HMOX2: variants seen among roughly 807,000 people sequenced by gnomAD.
HMOX2 encodes heme oxygenase (decycling) 2.
HMOX2 carries 30 observed loss-of-function variants against 33.7 expected under a neutral mutation model. The ratio of observed to expected loss-of-function variants is 0.89; its 90% CI spans 0.67 to 1.21. The LOEUF (loss-of-function observed/expected upper bound fraction) is 1.21. Ranked by LOEUF, HMOX2 falls within the 50% of genes most tolerant of loss-of-function variation. The pLI is 0.00. For missense variants in HMOX2, 403 were observed against 399.1 expected (o/e 1.01, Z -0.08); for synonymous variants, 155 against 155.0 (o/e 1.00, Z 0.00).
At chr16:4,475,898 C>T (rs1455119094), upstream of HMOX2, 1 of 152,158 alleles carries the variant, frequency 6.6e-6, no homozygotes, top group African/African-American at 2.4e-5. Context: ...GAGATCACGT[C>T]ATTGCACTCC....
In HMOX2 at chr16:4,510,085, A is replaced by G. The variant is rs187128375; in HGVS notation, c.*329A>G. The G allele has an allele frequency of 2.8e-5, 9 of 322,816 alleles. No individual in the cohort carries two copies. Among genetic ancestry groups the G allele is most frequent in the South Asian group, 2.3e-4 (4 of 17,030 alleles). The allele number at this position is 322,816 out of a possible 1,614,324, so 20.0% of individuals were successfully genotyped here. ...CTGTTTTTGCAGTACATGGGTGACT[A>G]TCTCCCCTGTTGGAGGTGAGTGGCC... On this transcript the variant is annotated 3_prime_UTR_variant, in exon 6 of 6. Transcript: ENST00000570646.
intron 1 of HMOX2, among the ~76,000 whole-genome samples, chr16:4,498,292 C>A (rs753830606): frequency 6.6e-6 from 1 of 151,878 alleles, no homozygotes; most frequent in Non-Finnish European, 1.5e-5. Context: ...GTCTTGAATG[C>A]CTGACCTCAG....
chr16:4,486,279 A>G (rs201404096), intron 1 of HMOX2, among the ~76,000 whole-genome samples: 8 of 152,184 alleles, frequency 5.3e-5, no homozygotes, highest in Non-Finnish European at 1.2e-4. Context: ...TTTACCAAAC[A>G]CCAACTGTCA....
intron 1 of HMOX2, chr16:4,503,003 G>C (rs951837234): frequency 1.3e-5 from 2 of 152,224 alleles, no homozygotes; most frequent in Admixed American, 6.6e-5. Flanking sequence ...TTTTAGTAGA[G>C]ACAGGGTTTT....
chr16:4,475,467 C>G (rs2057794279), upstream of HMOX2, among the ~76,000 whole-genome samples: 1 of 151,538 alleles, frequency 6.6e-6, no homozygotes, highest in South Asian at 2.1e-4. Flanking sequence ...GCCACCATGC[C>G]CGGCTAAAAT....
chr16:4,491,909 C>G (rs987863091), intron 1 of HMOX2, among the ~76,000 whole-genome samples: 1 of 151,922 alleles, frequency 6.6e-6, no homozygotes, highest in Non-Finnish European at 1.5e-5. Context: ...GTCTCGAGCT[C>G]CTGACCTTGT....
chr16:4,507,880 G>A lies in HMOX2; in HGVS notation c.372G>A (p.Gln124=). 1 of 1,614,206 alleles carries A rather than the reference G, an allele frequency of 6.2e-7. No individual in the cohort carries two copies. The highest frequency in any genetic ancestry group is 8.5e-7 in the Non-Finnish European group (1 of 1,180,046). ...EYFFGENWEE[Q]VQCPKAAQKY... ...TCTTTGGTGAAAACTGGGAGGAGCA[G>A]GTGCAGTGCCCCAAGGCTGCCCAGA... The change falls in exon 4 of 6, where the codon CAG becomes CAA. Residue 124 remains glutamine, a synonymous_variant. Transcript: ENST00000570646.
At position 4,507,832 on chromosome 16, in the gene HMOX2, G is replaced by T; in HGVS notation, c.324G>T (p.Ala108=). 6.2e-7 allele frequency: 1 copy of T among 1,614,222 alleles called. No homozygotes were observed. Among genetic ancestry groups the T allele is most frequent in the South Asian group, 1.1e-5 (1 of 91,084 alleles). ...CCATGGAGCTGCACCGGAAGGAGGC[G>T]CTGACCAAGGACATGGAGTATTTCT... The part of the protein sequence containing the change: ...YFPMELHRKE[A]LTKDMEYFFG... The change falls in exon 4 of 6, where the codon GCG becomes GCT. Residue 108 remains alanine (A), a synonymous_variant. Coordinates refer to ENST00000570646, the MANE Select transcript of HMOX2 (RefSeq NM_002134.4).
At chr16:4,486,083 G>A (rs943419009) in intron 1 of HMOX2, among the ~76,000 whole-genome samples, 1 of 152,168 alleles carries the variant, frequency 6.6e-6, no homozygotes, top group Non-Finnish European at 1.5e-5. Context: ...GCCTTGCTCT[G>A]ATTCTGAAAG....
In HMOX2 at chr16:4,509,414, A is replaced by G. The variant is rs2058777736; in HGVS notation, c.699A>G (p.Ile233Met). 1 of 1,613,662 alleles carries G rather than the reference A, an allele frequency of 6.2e-7. No homozygotes were observed. The highest frequency in any genetic ancestry group is 8.5e-7 in the Non-Finnish European group (1 of 1,179,966). The change falls in exon 5 of 6, where the codon ATA (isoleucine) becomes ATG (methionine). Residue 233 changes from isoleucine (I) to methionine (M), a missense_variant and splice_region_variant. Physicochemically the swap from Ile to Met is conservative, Grantham distance 10 (BLOSUM62 1). Transcript: ENST00000570646. ...ANKAFEYNMQ[I>M]FNELDQAGST... ...CAGTCGATCCTCTGCTCCTGCAGAT[A>G]TTCAATGAACTGGACCAGGCCGGCT...
chr16:4,499,517 G>A (rs192380172), intron 1 of HMOX2, among the ~76,000 whole-genome samples: 266 of 152,220 alleles, frequency 1.7e-3, no homozygotes, highest in African/African-American at 6.2e-3. Flanking sequence ...GGGAAGGGTG[G>A]GTGTGGAAAG....
intron 4 of HMOX2, among the ~76,000 whole-genome samples, chr16:4,508,787 G>C (rs1338287265): frequency 1.3e-5 from 2 of 152,174 alleles, no homozygotes; most frequent in Admixed American, 6.5e-5. Flanking sequence ...CTAGAAATGG[G>C]GATGTACTCA....
intron 1 of HMOX2, among the ~76,000 whole-genome samples, chr16:4,503,598 G>T (rs1388821170): frequency 6.6e-6 from 1 of 152,162 alleles, no homozygotes; most frequent in Non-Finnish European, 1.5e-5. Flanking sequence ...AACATTCATT[G>T]AGTGCTTATC....
In HMOX2 at chr16:4,487,787, CA is replaced by C. The variant is rs1225589421; in HGVS notation, c.-42+11314del. On this transcript the variant is annotated intron_variant, in intron 1 of 5. Coordinates refer to ENST00000570646, the MANE Select transcript of HMOX2 (RefSeq NM_002134.4). The stretch of plus-strand genomic sequence containing the variant: ...TGGGAGACAGAGCGAGACTCCGTCT[CA>C]AAAAAAAAAAAAATTAGCCGGGCGC... Among the ~76,000 whole-genome samples, 300 of 115,724 alleles carry C rather than the reference CA, an allele frequency of 2.6e-3. 2 individuals carry two copies. The highest frequency in any genetic ancestry group is 0.024 in the East Asian group (94 of 3,972). 75.9% of individuals were successfully genotyped at this position (115,724 alleles called of 152,430 possible).
At position 4,509,409 on chromosome 16, in the gene HMOX2, C is replaced by G. The variant is rs1228685589; in HGVS notation, c.697-3C>G. ...TGGCTCAGTCGATCCTCTGCTCCTG[C>G]AGATATTCAATGAACTGGACCAGGC... On this transcript the variant is annotated splice_polypyrimidine_tract_variant and splice_region_variant and intron_variant, in intron 4 of 5. Coordinates refer to ENST00000570646, the MANE Select transcript of HMOX2 (RefSeq NM_002134.4). The G allele has an allele frequency of 6.2e-7, 1 of 1,613,682 alleles. No individual in the cohort carries two copies.
intron 1 of HMOX2, among the ~76,000 whole-genome samples, chr16:4,479,868 A>C (rs1271679342): frequency 6.7e-6 from 1 of 149,494 alleles, no homozygotes; most frequent in Non-Finnish European, 1.5e-5. Context: ...TCTCCTGAGT[A>C]GCTGGGATTA....
At chr16:4,494,267 G>T (rs2058368038) in intron 1 of HMOX2, among the ~76,000 whole-genome samples, 1 of 149,980 alleles carries the variant, frequency 6.7e-6, no homozygotes, top group South Asian at 2.1e-4. Flanking sequence ...AGTGAGCCGA[G>T]ATAGCACCAC....
chr16:4,501,390 C>T (rs566977730), intron 1 of HMOX2, among the ~76,000 whole-genome samples: 7 of 152,292 alleles, frequency 4.6e-5, no homozygotes, highest in African/African-American at 1.4e-4. Flanking sequence ...CAACTTGCCC[C>T]GGCTGTGCCA....
In HMOX2 at chr16:4,508,034, A is replaced by T; in HGVS notation, c.526A>T (p.Lys176Ter). ...VLKKVAQRAL[K>*]LPSTGEGTQF... ...GAAGAAGGTGGCCCAGCGAGCACTG[A>T]AACTCCCCAGCACAGGGGAAGGGAC... Residue 176 changes from lysine (K) to a stop codon, truncating the protein, a stop_gained, in exon 4 of 6, where the codon AAA becomes TAA. Coordinates refer to ENST00000570646, the MANE Select transcript of HMOX2 (RefSeq NM_002134.4). LOFTEE classifies it high-confidence loss of function. 2 of 1,614,046 alleles carry T rather than the reference A, an allele frequency of 1.2e-6. No homozygotes were observed. Among genetic ancestry groups the T allele is most frequent in the Non-Finnish European group, 1.7e-6 (2 of 1,180,002 alleles).
Sources: gnomAD v4.1 joint callset for allele counts (sites outside exome capture counted in the v4.1 genomes callset) on GRCh38, gnomAD v4.1.1 for gene constraint, MANE v1.5 for transcripts, NCBI Gene and HGNC (gene_info 2026-07-23, HGNC 2026-07-21) for gene names.